VWF: variants seen among roughly 807,000 people sequenced by gnomAD.
VWF encodes the protein Factor VIII related antigen.
A neutral mutation model predicts 308.6 loss-of-function variants in VWF; 176 were observed. That is an observed-to-expected ratio of 0.57 (90% CI 0.50 to 0.65). The LOEUF (loss-of-function observed/expected upper bound fraction) is 0.65, where lower values mean the gene tolerates loss of function less well. Among genes scored for constraint, VWF ranks in the 30% least tolerant of loss-of-function variants. VWF has a pLI of 0.00. For synonymous variants in VWF, 1,385 were observed against 1,443.4 expected (o/e 0.96, Z 0.92); for missense variants, 3,146 against 3,648.2 (o/e 0.86, Z 3.55).
intron 15 of VWF, among the ~76,000 whole-genome samples, chr12:6,056,432 C>A (rs1944579362): frequency 6.6e-6 from 1 of 151,924 alleles, no homozygotes; most frequent in South Asian, 2.1e-4. Flanking sequence ...CCTGGAGTTA[C>A]AAGCAAAGGG....
In VWF at chr12:6,072,457, A is replaced by G; in HGVS notation, c.998-15T>C. The G allele has an allele frequency of 3.7e-6, 6 of 1,607,892 alleles. No individual in the cohort carries two copies. Among genetic ancestry groups the G allele is most frequent in the Non-Finnish European group, 5.1e-6 (6 of 1,174,622 alleles). On this transcript the variant is annotated splice_polypyrimidine_tract_variant and intron_variant, in intron 8 of 51. Coordinates refer to ENST00000261405, the MANE Select transcript of VWF (RefSeq NM_000552.5). ...GAGCTGTCCCTCTGGGGTCAAGGGC[A>G]TCAAGACAAAGGCCTCAACATTGTC...
Position 5,961,082 on chromosome 12 carries a change from T to C in VWF, c.7887+6404A>G, listed in dbSNP as rs1339808242. 2.6e-5 allele frequency among the ~76,000 whole-genome samples: 4 copies of C among 152,286 alleles called. No individual in the cohort carries two copies. In the East Asian group the frequency reaches 7.7e-4, roughly 29 times the overall value. On this transcript the variant is annotated intron_variant, in intron 47 of 51. Coordinates refer to ENST00000261405, the MANE Select transcript of VWF (RefSeq NM_000552.5). Reference sequence around the variant, plus strand: ...TGAGGGATCCAGGTTGCGTGCTCCTTATGGGAATCTAATGCCTGATGATCT... The same window carrying C: ...TGAGGGATCCAGGTTGCGTGCTCCTCATGGGAATCTAATGCCTGATGATCT...
intron 47 of VWF, 99 bp from the exon 48 acceptor site, chr12:5,953,693 G>T: frequency 1.1e-6 from 1 of 935,692 alleles, no homozygotes; most frequent in African/African-American, 1.6e-5. Flanking sequence ...CTCTCATCCA[G>T]TAGTTTCACC....
At chr12:5,962,524 A>G (rs1429324764) in intron 47 of VWF, among the ~76,000 whole-genome samples, 1 of 150,750 alleles carries the variant, frequency 6.6e-6, no homozygotes, top group African/African-American at 2.4e-5. Context: ...TGGTCCATAC[A>G]TACACAGGCA....
In VWF at chr12:6,016,118, T is replaced by A; in HGVS notation, c.5426A>T (p.Asp1809Val). 1.2e-6 allele frequency: 2 copies of A among 1,614,168 alleles called. No homozygotes were observed. Among genetic ancestry groups the A allele is most frequent in the South Asian group, 2.2e-5 (2 of 91,080 alleles). Residue 1809 changes from aspartate (D) to valine (V), a missense_variant, in exon 31 of 52, where the codon GAT becomes GTT. Physicochemically the swap from Asp to Val is radical, Grantham distance 152 (BLOSUM62 -3). Around this residue, in one of 3 missense-constraint regions of VWF, gnomAD observed 853 missense variants for 1,177.8 expected, o/e 0.72. Transcript: ENST00000261405. ...LVTDVSVDSV[D>V]AAADAARSNR... is the part of the protein sequence containing the mutation. ...GGACCTGGCGGCATCAGCTGCTGCATCCACTGAATCCACAGAGACGTCCGT... is the reference window on the plus strand; with the variant it reads ...GGACCTGGCGGCATCAGCTGCTGCAACCACTGAATCCACAGAGACGTCCGT...
intron 46 of VWF, 150 bp downstream of exon 46, chr12:5,967,977 C>T: frequency 8.9e-7 from 1 of 1,123,140 alleles, no homozygotes; most frequent in Non-Finnish European, 1.3e-6. Flanking sequence ...CTCCATGATG[C>T]CAGGCACGTC....
intron 43 of VWF, among the ~76,000 whole-genome samples, chr12:5,975,067 A>AC (rs1039253937): frequency 2.0e-5 from 3 of 152,220 alleles, no homozygotes; most frequent in Non-Finnish European, 4.4e-5. Flanking sequence ...TCCAAAACTT[A>AC]GTGTTTCCCA....
Position 6,075,658 on chromosome 12 carries a change from TGGGACA to T in VWF, c.658-113_658-108del. 8.3e-7 allele frequency: 1 copy of T among 1,212,092 alleles called. No individual in the cohort carries two copies. Among genetic ancestry groups the T allele is most frequent in the South Asian group, 1.3e-5 (1 of 76,770 alleles). 75.1% of individuals were successfully genotyped at this position (1,212,092 alleles called of 1,614,324 possible). A position where few individuals can be genotyped will look rare whatever the true frequency, so the allele number is the denominator to read the frequency against. On this transcript the variant is annotated intron_variant, in intron 6 of 51. Transcript: ENST00000261405. The surrounding 1 kb of genome is among the most constrained non-coding windows in gnomAD (Gnocchi z 4.7). The stretch of plus-strand genomic sequence containing the variant: ...AAACCAAGGCAGCTCCCTCAGCACC[TGGGACA>T]GGCTGGCACCAAGCACATGCATGTG...
At chr12:6,111,071 G>A (rs1337114901) in intron 3 of VWF, 103 bp from the exon 4 acceptor site, 20 of 1,071,366 alleles carry the variant, frequency 1.9e-5, no homozygotes, top group East Asian at 7.6e-5. Context: ...AGCAGAAAAC[G>A]CCCCAAAAAG....
Position 6,063,553 on chromosome 12 carries a change from T to C in VWF, c.1433-499A>G, listed in dbSNP as rs1293510484. Among the ~76,000 whole-genome samples the C allele has an allele frequency of 3.3e-5, 5 of 152,016 alleles. No homozygotes were observed. Among genetic ancestry groups the C allele is most frequent in the Admixed American group, 2.6e-4 (4 of 15,278 alleles). On this transcript the variant is annotated intron_variant, in intron 12 of 51. Coordinates refer to ENST00000261405, the MANE Select transcript of VWF (RefSeq NM_000552.5). This position sits in a 1 kb window ranked among gnomAD's most constrained non-coding sequence, Gnocchi z 4.9. ...GCCCTGGGGGAACAAACATATCTTATAAGGAGACACACAGCATAACACCCA... is the reference window on the plus strand; with the variant it reads ...GCCCTGGGGGAACAAACATATCTTACAAGGAGACACACAGCATAACACCCA...
Position 6,025,037 on chromosome 12 carries a change from A to G in VWF, c.3222+543T>C, listed in dbSNP as rs114636182. On this transcript the variant is annotated intron_variant, in intron 24 of 51. Coordinates refer to ENST00000261405, the MANE Select transcript of VWF (RefSeq NM_000552.5). ...GACTCTGTCTCAAAAAAAAAAAAAAAAGAGAGAGACAACTGCACTTAACCT... is the reference window on the plus strand; with the variant it reads ...GACTCTGTCTCAAAAAAAAAAAAAAGAGAGAGAGACAACTGCACTTAACCT... Among the ~76,000 whole-genome samples, 297 of 149,300 alleles carry G rather than the reference A, an allele frequency of 2.0e-3. 3 individuals are homozygous for G. Among genetic ancestry groups the G allele is most frequent in the South Asian group, 3.6e-3 (17 of 4,774 alleles).
intron 41 of VWF, 94 bp downstream of exon 41, chr12:5,983,056 G>T: frequency 7.9e-7 from 1 of 1,266,738 alleles, no homozygotes; most frequent in Non-Finnish European, 1.1e-6. Context: ...AACAGGAAAT[G>T]ACGTGATCTT....
At chr12:5,972,073 C>T (rs1163059363) in intron 43 of VWF, among the ~76,000 whole-genome samples, 1 of 152,208 alleles carries the variant, frequency 6.6e-6, no homozygotes, top group Non-Finnish European at 1.5e-5. Context: ...GGGAGGCACA[C>T]TCAGGATGAC....
At chr12:6,017,630 GA>G (rs765369096) in intron 28 of VWF, among the ~76,000 whole-genome samples, 13 of 151,596 alleles carry the variant, frequency 8.6e-5, no homozygotes, top group Non-Finnish European at 1.8e-4. Context: ...ATTTTTTTTT[GA>G]GCACTTGTCA....
intron 18 of VWF, among the ~76,000 whole-genome samples, chr12:6,044,063 C>A (rs1037854161): frequency 6.6e-6 from 1 of 152,242 alleles, no homozygotes; most frequent in African/African-American, 2.4e-5. Flanking sequence ...TTTGTCAGAT[C>A]CTGTGAGGAT....
intron 44 of VWF, among the ~76,000 whole-genome samples, chr12:5,971,160 G>A (rs1274026425): frequency 6.6e-6 from 1 of 152,218 alleles, no homozygotes; most frequent in Non-Finnish European, 1.5e-5. Flanking sequence ...CCTTTTCTGG[G>A]TTGTAAAGGT....
chr12:6,067,633 C>T (rs1377054539), intron 10 of VWF, among the ~76,000 whole-genome samples: 4 of 152,164 alleles, frequency 2.6e-5, no homozygotes, highest in Non-Finnish European at 5.9e-5. Context: ...CCGTTAGCCA[C>T]GGGAGCTAGA....
chr12:6,120,757 G>A (rs1945421184), intron 3 of VWF, among the ~76,000 whole-genome samples: 1 of 152,148 alleles, frequency 6.6e-6, no homozygotes, highest in Non-Finnish European at 1.5e-5. Flanking sequence ...CAGCCCTTCT[G>A]CAGGAATACA....
chr12:6,003,815 T>C (rs1226211776), intron 34 of VWF, among the ~76,000 whole-genome samples: 1 of 30,052 alleles, frequency 3.3e-5, no homozygotes, highest in East Asian at 2.3e-3. Context: ...TTTCTCTCTC[T>C]TTTTTTTTTT....
Sources: gnomAD v4.1 joint callset for allele counts (sites outside exome capture counted in the v4.1 genomes callset) on GRCh38, gnomAD v4.1.1 for gene constraint, gnomAD v4.1.1 regional missense constraint, Gnocchi (gnomAD v3.1) non-coding constraint, MANE v1.5 for transcripts, NCBI Gene and HGNC (gene_info 2026-07-23, HGNC 2026-07-21) for gene names.